The following ADGRB3 variants were observed in gnomAD, a reference collection of about 807,000 sequenced individuals.
The protein encoded by ADGRB3 is adhesion G protein-coupled receptor B3.
A neutral mutation model predicts 193.4 loss-of-function variants in ADGRB3; 37 were observed. That is an observed-to-expected ratio of 0.19 (90% CI 0.15 to 0.25). ADGRB3 has a LOEUF of 0.25. Ranked by LOEUF, ADGRB3 falls within the 10% of genes least tolerant of loss-of-function variation. The pLI, the probability that ADGRB3 is intolerant of heterozygous loss-of-function variation, is 1.00. For missense variants in ADGRB3, 1,637 were observed against 1,852.9 expected (o/e 0.88, Z 2.14); for synonymous variants, 690 against 644.2 (o/e 1.07, Z -1.08).
At chr6:69,199,116 TATCTCTAGAGTG>T (rs1322540578) in intron 17 of ADGRB3, among the ~76,000 whole-genome samples, 1 of 152,116 alleles carries the variant, frequency 6.6e-6, no homozygotes, top group Non-Finnish European at 1.5e-5. Flanking sequence ...TGGCAGTAAA[TATCTCTAGAGTG>T]GATAAACTTA....
intron 3 of ADGRB3, among the ~76,000 whole-genome samples, chr6:68,850,816 T>C (rs1486829739): frequency 6.6e-6 from 1 of 151,994 alleles, no homozygotes; most frequent in Non-Finnish European, 1.5e-5. Flanking sequence ...TATCACTTAT[T>C]TGATTTCTAG....
intron 13 of ADGRB3, among the ~76,000 whole-genome samples, chr6:69,022,726 T>C (rs1471505461): frequency 3.3e-5 from 5 of 151,982 alleles, no homozygotes; most frequent in Admixed American, 6.6e-5. Flanking sequence ...AGTATTTGGA[T>C]TTCTTTTGCG....
At chr6:68,690,179 C>T (rs1289829144) in intron 3 of ADGRB3, among the ~76,000 whole-genome samples, 2 of 152,072 alleles carry the variant, frequency 1.3e-5, no homozygotes, top group East Asian at 3.9e-4. Context: ...ATCCTCTATG[C>T]AGTGAGTGAT....
chr6:68,807,228 CTTTTTTCTTTTTTTTTT>C (rs1767419016), intron 3 of ADGRB3, among the ~76,000 whole-genome samples: 1 of 94,670 alleles, frequency 1.1e-5, no homozygotes, highest in Non-Finnish European at 2.1e-5. Context: ...TTTCTTTTTT[CTTTTTTCTTTTTTTTTT>C]TTTTTTTTTT....
intron 3 of ADGRB3, among the ~76,000 whole-genome samples, chr6:68,850,210 T>C (rs2127390593): frequency 6.6e-6 from 1 of 152,020 alleles, no homozygotes; most frequent in East Asian, 1.9e-4. Context: ...TCTCGATTGC[T>C]CTGTGTTTTT....
intron 17 of ADGRB3, among the ~76,000 whole-genome samples, chr6:69,195,887 T>A (rs1765283622): frequency 6.6e-6 from 1 of 152,128 alleles, no homozygotes; most frequent in Non-Finnish European, 1.5e-5. Context: ...GCCTTATTTA[T>A]CTTTTCAGAG....
chr6:69,021,220 A>G (rs182317827), intron 13 of ADGRB3, among the ~76,000 whole-genome samples: 76 of 152,040 alleles, frequency 5.0e-4, no homozygotes, highest in African/African-American at 1.8e-3. Context: ...TGTTGGATTA[A>G]GACTACTTAA....
At chr6:69,171,628 A>AC (rs1775273348) in intron 17 of ADGRB3, among the ~76,000 whole-genome samples, 1 of 151,776 alleles carries the variant, frequency 6.6e-6, no homozygotes, top group Admixed American at 6.6e-5. Flanking sequence ...TAAGAAAGAA[A>AC]CCCCCTCTCC....
At chr6:68,770,429 C>G (rs1426231455) in intron 3 of ADGRB3, among the ~76,000 whole-genome samples, 1 of 152,048 alleles carries the variant, frequency 6.6e-6, no homozygotes, top group African/African-American at 2.4e-5. Flanking sequence ...TTTGATAGAA[C>G]AATTGGGAGA....
chr6:69,383,854 T>C (rs1770005269), intron 31 of ADGRB3, among the ~76,000 whole-genome samples: 1 of 152,004 alleles, frequency 6.6e-6, no homozygotes, highest in Non-Finnish European at 1.5e-5. Flanking sequence ...AATATGGGGC[T>C]CTTTCTTTGC....
At chr6:68,672,062 T>C (rs1036727167) in intron 3 of ADGRB3, among the ~76,000 whole-genome samples, 2 of 152,090 alleles carry the variant, frequency 1.3e-5, no homozygotes, top group African/African-American at 2.4e-5. Context: ...TAGTTGCTCA[T>C]AGTAGTCACT....
At chr6:68,723,890 T>C (rs770209252) in intron 3 of ADGRB3, among the ~76,000 whole-genome samples, 1 of 151,604 alleles carries the variant, frequency 6.6e-6, no homozygotes, top group East Asian at 2.0e-4. Context: ...TGTCAGTATC[T>C]AAGAGGTTTG....
chr6:69,020,665 A>G (rs573824813), intron 13 of ADGRB3, among the ~76,000 whole-genome samples: 1 of 152,056 alleles, frequency 6.6e-6, no homozygotes, highest in South Asian at 2.1e-4. Context: ...TTTATATAGC[A>G]ACAATTATCC....
At chr6:68,905,433 T>G (rs542137136) in intron 3 of ADGRB3, among the ~76,000 whole-genome samples, 2 of 152,176 alleles carry the variant, frequency 1.3e-5, no homozygotes, top group Non-Finnish European at 2.9e-5. Context: ...TCCATCGGGA[T>G]TGAGAAAAAA....
chr6:68,689,146 G>C (rs1765029273), intron 3 of ADGRB3, among the ~76,000 whole-genome samples: 1 of 152,168 alleles, frequency 6.6e-6, no homozygotes, highest in Admixed American at 6.6e-5. Flanking sequence ...GCAACAGTGG[G>C]AAGTTGTCAG....
intron 13 of ADGRB3, among the ~76,000 whole-genome samples, chr6:69,038,569 A>C (rs1770942379): frequency 6.6e-6 from 1 of 152,176 alleles, no homozygotes; most frequent in African/African-American, 2.4e-5. Context: ...TTTTGTGTTC[A>C]TGTTTGGATT....
At chr6:69,045,720 C>T (rs1443231651) in intron 13 of ADGRB3, among the ~76,000 whole-genome samples, 1 of 152,066 alleles carries the variant, frequency 6.6e-6, no homozygotes, top group East Asian at 1.9e-4. Context: ...TCCATGCAGA[C>T]ATCTCAAACC....
Position 69,141,222 on chromosome 6 carries a change from C to G in ADGRB3, c.2480+65184C>G, listed in dbSNP as rs1348966441. 4.6e-5 allele frequency among the ~76,000 whole-genome samples: 7 copies of G among 151,692 alleles called. 1 individual carries two copies. The South Asian group carries it at 1.5e-3, about 32-fold the overall frequency. Reference sequence around the variant, plus strand: ...CACTGCAAGCTCCGCCTCCTGGGTTCTCGGCATTCTCCTGCCTCAGCCTCC... The same window carrying G: ...CACTGCAAGCTCCGCCTCCTGGGTTGTCGGCATTCTCCTGCCTCAGCCTCC... On this transcript the variant is annotated intron_variant, in intron 17 of 31. Coordinates refer to ENST00000370598, the MANE Select transcript of ADGRB3 (RefSeq NM_001704.3).
chr6:68,756,830 A>G (rs1766306954), intron 3 of ADGRB3, among the ~76,000 whole-genome samples: 1 of 152,166 alleles, frequency 6.6e-6, no homozygotes, highest in South Asian at 2.1e-4. Context: ...TTGTTTACGT[A>G]TAGTGTTTCC....
Sources: gnomAD v4.1 joint callset for allele counts (sites outside exome capture counted in the v4.1 genomes callset) on GRCh38, gnomAD v4.1.1 for gene constraint, MANE v1.5 for transcripts, NCBI Gene and HGNC (gene_info 2026-07-23, HGNC 2026-07-21) for gene names.